Variants in ZNF385D observed in about 807,000 individuals in gnomAD.
ZNF385D encodes the protein zinc finger protein 659.
In ZNF385D, 15 loss-of-function variants were observed where a neutral mutation model predicts 35.8. The observed-to-expected ratio is 0.42, with a 90% CI of 0.28 to 0.64. The LOEUF (loss-of-function observed/expected upper bound fraction) is 0.64, where lower values mean the gene tolerates loss of function less well. Ranked by LOEUF, ZNF385D falls within the 30% of genes least tolerant of loss-of-function variation. ZNF385D has a pLI of 0.23. For synonymous variants in ZNF385D, 212 were observed against 186.8 expected (o/e 1.13, Z -1.10); for missense variants, 474 against 494.6 (o/e 0.96, Z 0.39).
intron 3 of ZNF385D, among the ~76,000 whole-genome samples, chr3:21,849,871 A>G (rs969025914): frequency 3.4e-4 from 52 of 151,966 alleles, no homozygotes; most frequent in African/African-American, 1.3e-3. Context: ...TCTGCCTTCA[A>G]AGTAGCTGGG....
intron 3 of ZNF385D, among the ~76,000 whole-genome samples, chr3:22,124,821 T>C (rs1703333528): frequency 6.6e-6 from 1 of 152,166 alleles, no homozygotes; most frequent in Non-Finnish European, 1.5e-5. Context: ...TATTAGTTTC[T>C]TGTCAGATGG....
chr3:21,556,788 T>C (rs955846070), intron 3 of ZNF385D, among the ~76,000 whole-genome samples: 4 of 152,214 alleles, frequency 2.6e-5, no homozygotes, highest in Admixed American at 1.3e-4. Flanking sequence ...TTTCACGATA[T>C]CGATTCTTCC....
intron 3 of ZNF385D, among the ~76,000 whole-genome samples, chr3:21,852,111 A>G (rs1412306507): frequency 6.6e-6 from 1 of 152,016 alleles, no homozygotes; most frequent in Non-Finnish European, 1.5e-5. Flanking sequence ...GGATGAGTGA[A>G]TGAATGAATG....
At chr3:21,649,362 G>A (rs2065848880) in intron 2 of ZNF385D, among the ~76,000 whole-genome samples, 1 of 152,198 alleles carries the variant, frequency 6.6e-6, no homozygotes, top group Admixed American at 6.5e-5. Flanking sequence ...GTGTACTCCT[G>A]GAGGATTAAG....
At chr3:22,095,586 A>G (rs1701574216) in intron 3 of ZNF385D, among the ~76,000 whole-genome samples, 1 of 152,076 alleles carries the variant, frequency 6.6e-6, no homozygotes, top group Non-Finnish European at 1.5e-5. Flanking sequence ...ATACATGGAT[A>G]CAATCTCCTA....
In ZNF385D at chr3:22,372,577, G is replaced by A. The variant is rs955591402; in HGVS notation, c.-22C>T. On this transcript the variant is annotated 5_prime_UTR_variant, in exon 2 of 6. Transcript: ENST00000494108. ...GCATCCGGGAGGAGCAGCCGCCGGG[G>A]CTGGCTGTCCCGGGAGACGCACGGC... is the stretch of plus-strand genomic sequence containing the variant. The A allele has an allele frequency of 5.1e-6, 5 of 978,588 alleles. No individual in the cohort carries two copies. In the African/African-American group the frequency reaches 5.3e-5, roughly 10 times the overall value. The allele number at this position is 978,588 out of a possible 1,614,324, so 60.6% of individuals were successfully genotyped here.
intron 3 of ZNF385D, among the ~76,000 whole-genome samples, chr3:21,882,268 C>A (rs748275025): frequency 6.6e-6 from 1 of 152,080 alleles, no homozygotes; most frequent in African/African-American, 2.4e-5. Flanking sequence ...AAAGTTGCCA[C>A]AGCCATCTCA....
chr3:22,254,945 G>A (rs1012541924), intron 2 of ZNF385D, among the ~76,000 whole-genome samples: 3 of 151,784 alleles, frequency 2.0e-5, no homozygotes, highest in Admixed American at 6.6e-5. Flanking sequence ...GTATAGAAAA[G>A]CTGAACTAAG....
At chr3:21,534,641 A>T (rs2061995512) in intron 3 of ZNF385D, among the ~76,000 whole-genome samples, 2 of 152,080 alleles carry the variant, frequency 1.3e-5, no homozygotes, top group African/African-American at 4.8e-5. Flanking sequence ...CTGGCAGCTG[A>T]TCAAATGCAA....
At chr3:22,097,590 C>A (rs776937463) in intron 3 of ZNF385D, among the ~76,000 whole-genome samples, 3 of 152,068 alleles carry the variant, frequency 2.0e-5, no homozygotes, top group Non-Finnish European at 4.4e-5. Flanking sequence ...CTTCTTCTCA[C>A]TGTCTATGAT....
intron 1 of ZNF385D, among the ~76,000 whole-genome samples, chr3:21,738,698 G>A (rs1455166991): frequency 1.3e-5 from 2 of 152,116 alleles, no homozygotes; most frequent in Non-Finnish European, 2.9e-5. Flanking sequence ...ATGAAATGGA[G>A]ACTTTTGGCC....
chr3:22,195,818 T>C (rs529336526), intron 2 of ZNF385D, among the ~76,000 whole-genome samples: 16 of 152,178 alleles, frequency 1.1e-4, no homozygotes, highest in East Asian at 1.9e-4. Context: ...GTTATACATA[T>C]ACACCATGAA....
intron 1 of ZNF385D, among the ~76,000 whole-genome samples, chr3:21,746,967 A>G (rs1437535378): frequency 1.3e-5 from 2 of 152,134 alleles, no homozygotes; most frequent in African/African-American, 4.8e-5. Context: ...GTCCTTCCTA[A>G]GACAATGTAC....
chr3:22,279,338 T>C (rs1288964872), intron 2 of ZNF385D, among the ~76,000 whole-genome samples: 1 of 151,862 alleles, frequency 6.6e-6, no homozygotes, highest in Admixed American at 6.6e-5. Context: ...AGCTTCTACT[T>C]ATGAGTAAGA....
intron 3 of ZNF385D, among the ~76,000 whole-genome samples, chr3:21,951,584 T>A (rs1400170720): frequency 6.6e-6 from 1 of 151,668 alleles, no homozygotes; most frequent in Non-Finnish European, 1.5e-5. Context: ...CTTCCAATAC[T>A]ACGTTGAATA....
At chr3:21,867,381 G>A (rs974233265) in intron 3 of ZNF385D, among the ~76,000 whole-genome samples, 5 of 152,102 alleles carry the variant, frequency 3.3e-5, no homozygotes, top group African/African-American at 9.6e-5. Flanking sequence ...GTGGGACTCA[G>A]GCCTCACCTC....
At chr3:22,175,103 T>A (rs1488952132) in intron 2 of ZNF385D, among the ~76,000 whole-genome samples, 1 of 151,834 alleles carries the variant, frequency 6.6e-6, no homozygotes, top group African/African-American at 2.4e-5. Flanking sequence ...GAAGGGGAGT[T>A]GTAATTTGTA....
intron 3 of ZNF385D, among the ~76,000 whole-genome samples, chr3:21,798,876 T>C (rs919597078): frequency 6.6e-6 from 1 of 152,186 alleles, no homozygotes; most frequent in African/African-American, 2.4e-5. Flanking sequence ...ATTCACAATG[T>C]TGTGCAATAA....
At chr3:21,521,253 A>C (rs752697767) in intron 3 of ZNF385D, among the ~76,000 whole-genome samples, 2 of 152,212 alleles carry the variant, frequency 1.3e-5, no homozygotes, top group Non-Finnish European at 2.9e-5. Context: ...CTTTGGTTAC[A>C]TTGAGAAAGG....
Sources: gnomAD v4.1 joint callset for allele counts (sites outside exome capture counted in the v4.1 genomes callset) on GRCh38, gnomAD v4.1.1 for gene constraint, MANE v1.5 for transcripts, NCBI Gene and HGNC (gene_info 2026-07-23, HGNC 2026-07-21) for gene names.